Variants in FAM20C observed in about 807,000 individuals in gnomAD.
The protein encoded by FAM20C is extracellular serine/threonine protein kinase FAM20C.
In FAM20C, 40 loss-of-function variants were observed where a neutral mutation model predicts 51.5. That is an observed-to-expected ratio of 0.78 (90% CI 0.60 to 1.01). FAM20C has a LOEUF of 1.01. Among genes scored for constraint, FAM20C ranks in the 50% least tolerant of loss-of-function variants. The pLI is 0.00. For synonymous variants in FAM20C, 406 were observed against 380.6 expected, an observed-to-expected ratio of 1.07 and a Z score of -0.78; for missense variants, 861 against 844.7, an observed-to-expected ratio of 1.02 and a Z score of -0.24.
At chr7:196,944 C>G (rs1038787927) in intron 2 of FAM20C, among the ~76,000 whole-genome samples, 3 of 152,124 alleles carry the variant, frequency 2.0e-5, no homozygotes, top group African/African-American at 7.2e-5. Context: ...ACCCCTGCCC[C>G]CCTCCAGGCC....
chr7:241,949 A>C lies in FAM20C; in HGVS notation c.864-4466A>C, dbSNP rs1005724161. 2.2e-3 allele frequency among the ~76,000 whole-genome samples: 333 copies of C among 152,246 alleles called. 1 individual carries two copies. Among genetic ancestry groups the C allele is most frequent in the African/African-American group, 6.4e-3 (267 of 41,538 alleles). ...TGTGCATCTGTGTGTGTGCGTGCGT[A>C]TGCATACTGTAGTGGGTGGTTAGAA... On this transcript the variant is annotated intron_variant, in intron 3 of 9. Transcript: ENST00000313766.
intron 3 of FAM20C, among the ~76,000 whole-genome samples, chr7:245,024 G>T (rs1242795240): frequency 6.6e-6 from 1 of 152,250 alleles, no homozygotes; most frequent in Non-Finnish European, 1.5e-5. Flanking sequence ...CCCCCGAAGG[G>T]ACGTGGACAT....
chr7:257,236 G>A (rs1788623057), intron 8 of FAM20C, 150 bp downstream of exon 8: 1 of 826,646 alleles, frequency 1.2e-6, no homozygotes. Context: ...GCCAGATGCA[G>A]AGGGCGGCCC....
intron 3 of FAM20C, chr7:246,159 T>TG (rs1788147087): frequency 2.2e-6 from 1 of 454,380 alleles, no homozygotes; most frequent in South Asian, 2.2e-5. Flanking sequence ...GGGCCTGCGC[T>TG]GCTCTGAGGG....
At chr7:231,237 C>A (rs1380353709) in intron 3 of FAM20C, among the ~76,000 whole-genome samples, 2 of 152,124 alleles carry the variant, frequency 1.3e-5, no homozygotes, top group Non-Finnish European at 2.9e-5. Context: ...CAGCGAGGAC[C>A]CCTGGAGGGC....
At chr7:259,350 C>T (rs977862435) in intron 9 of FAM20C, among the ~76,000 whole-genome samples, 1 of 152,204 alleles carries the variant, frequency 6.6e-6, no homozygotes, top group African/African-American at 2.4e-5. Flanking sequence ...GGCGGCAGAC[C>T]ACGCCGAAGC....
At position 248,323 on chromosome 7, in the gene FAM20C, A is replaced by G. The variant is rs1290748363; in HGVS notation, c.965A>G (p.Asp322Gly). The change falls in exon 5 of 10, where the codon GAC (aspartate) becomes GGC (glycine). Residue 322 changes from aspartate (D) to glycine (G), a missense_variant. By Grantham distance (94) the Asp-to-Gly change is moderately conservative (BLOSUM62 -1). Transcript: ENST00000313766. ...IAAFHLDRIL[D>G]FRRVPPVAGR... ...CGCCCGTTTCTTGCCAGGATCCTGG[A>G]CTTCCGCCGGGTCCCTCCCGTGGCC... The G allele has an allele frequency of 7.2e-6, 11 of 1,533,744 alleles. No homozygotes were observed. The highest frequency in any genetic ancestry group is 2.4e-5 in the East Asian group (1 of 40,920).
At position 251,271 on chromosome 7, in the gene FAM20C, C is replaced by G. The variant is rs896987041; in HGVS notation, c.1072+2841C>G. Among the ~76,000 whole-genome samples, 96 of 130,290 alleles carry G rather than the reference C, an allele frequency of 7.4e-4. 15 individuals are homozygous for G. Among genetic ancestry groups the G allele is most frequent in the South Asian group, 1.3e-3 (5 of 3,914 alleles). The allele number at this position is 130,290 out of a possible 152,430, so 85.5% of individuals were successfully genotyped here. ...GAGTGGCCGGGCACGGTGGCTCACA[C>G]GCCTGCAATCCCAGTACTGGGAGGA... On this transcript the variant is annotated intron_variant, in intron 5 of 9. Transcript: ENST00000313766.
At chr7:248,208 G>A (rs142310673) in intron 4 of FAM20C, 107 bp from the exon 5 acceptor site, 9 of 664,896 alleles carry the variant, frequency 1.4e-5, no homozygotes, top group Middle Eastern at 2.8e-4. Flanking sequence ...CCGCTGAGCC[G>A]CACAGAGCAC....
chr7:250,268 T>G (rs1379249822), intron 5 of FAM20C, among the ~76,000 whole-genome samples: 1 of 152,174 alleles, frequency 6.6e-6, no homozygotes. Context: ...CATGATTTAA[T>G]TAAGCTCCGT....
rs1474538234 is a variant in FAM20C, at chr7:258,685, G to A, written c.1485G>A (p.Val495=). 12 of 1,536,592 alleles carry A rather than the reference G, an allele frequency of 7.8e-6. 1 individual carries two copies. The South Asian group carries it at 1.2e-4, about 15-fold the overall frequency. The change falls in exon 9 of 10, where the codon GTG becomes GTA. Residue 495 remains valine (V), a synonymous_variant. Coordinates refer to ENST00000313766, the MANE Select transcript of FAM20C (RefSeq NM_020223.4). ...KYSHDELSIL[V]PLQQCCRIRK... ...CGCACGACGAGCTCTCCATCCTGGT[G>A]CCGCTACAGCAGTGCTGCAGGTACA...
At chr7:198,245 C>T (rs1785973741) in intron 2 of FAM20C, among the ~76,000 whole-genome samples, 1 of 152,222 alleles carries the variant, frequency 6.6e-6, no homozygotes, top group Admixed American at 6.5e-5. Flanking sequence ...GGCAGGACAG[C>T]AGGCTCTGGC....
intron 3 of FAM20C, among the ~76,000 whole-genome samples, chr7:241,298 G>A (rs1421317230): frequency 1.3e-5 from 2 of 152,196 alleles, no homozygotes; most frequent in Non-Finnish European, 1.5e-5. Flanking sequence ...GCAGAACACA[G>A]GGTCAGATGG....
At chr7:218,152 G>A (rs1787090974) in intron 3 of FAM20C, among the ~76,000 whole-genome samples, 1 of 152,212 alleles carries the variant, frequency 6.6e-6, no homozygotes, top group Admixed American at 6.5e-5. Context: ...CGAGCTGCCA[G>A]GCAGGCCACA....
At chr7:213,696 C>T (rs73251089) in intron 3 of FAM20C, among the ~76,000 whole-genome samples, 13,013 of 152,120 alleles carry the variant, frequency 0.086, 1,525 homozygotes, top group African/African-American at 0.27. Context: ...GAGCAGTTGC[C>T]GGATCACGTG....
rs371878192 is a variant in FAM20C at position 257,926 on chromosome 7, T to C, written c.1446-720T>C. On this transcript the variant is annotated intron_variant, in intron 8 of 9. Transcript: ENST00000313766. ...AGATGGGCTGGGTGGACACACTGCC[T>C]GGGGTGCTGGAGATGCCCGGGGTGG... Among the ~76,000 whole-genome samples the C allele has an allele frequency of 6.5e-3, 448 of 68,938 alleles. 13 individuals carry two copies. The highest frequency in any genetic ancestry group is 7.7e-3 in the Non-Finnish European group (226 of 29,174). 45.2% of individuals were successfully genotyped at this position (68,938 alleles called of 152,430 possible).
chr7:258,198 A>T lies in FAM20C; in HGVS notation c.1446-448A>T, dbSNP rs372448348. On this transcript the variant is annotated intron_variant, in intron 8 of 9. Coordinates refer to ENST00000313766, the MANE Select transcript of FAM20C (RefSeq NM_020223.4). ...ACTGCCTGAGGTGCTGGAGATAGGC[A>T]GGGTGGACCCACTGACTGGGGTGCT... 1.7e-3 allele frequency among the ~76,000 whole-genome samples: 94 copies of T among 56,838 alleles called. 2 individuals carry two copies. The highest frequency in any genetic ancestry group is 4.0e-3 in the East Asian group (7 of 1,744). 37.3% of individuals were successfully genotyped at this position (56,838 alleles called of 152,430 possible).
intron 3 of FAM20C, among the ~76,000 whole-genome samples, chr7:237,408 C>T (rs946820250): frequency 2.0e-3 from 301 of 152,286 alleles, no homozygotes; most frequent in African/African-American, 6.9e-3. Flanking sequence ...GTGCAGTATG[C>T]GTTCACAGCA....
At chr7:210,898 C>T (rs756589638) in intron 3 of FAM20C, among the ~76,000 whole-genome samples, 16 of 152,118 alleles carry the variant, frequency 1.1e-4, no homozygotes, top group African/African-American at 3.6e-4. Context: ...CGTGGGCACT[C>T]GGTAGCTGTG....
Sources: allele counts gnomAD v4.1 joint callset (sites outside exome capture counted in the v4.1 genomes callset), GRCh38; gene constraint gnomAD v4.1.1; transcripts MANE v1.5; gene names NCBI Gene and HGNC (gene_info 2026-07-23, HGNC 2026-07-21).